The following EBF3 variants were observed in gnomAD, a reference collection of about 807,000 sequenced individuals.
EBF3 encodes EBF transcription factor 3.
In EBF3, 18 loss-of-function variants were observed where a neutral mutation model predicts 77.1. The observed-to-expected ratio is 0.23, with a 90% CI of 0.16 to 0.35. EBF3 has a LOEUF of 0.35. Ranked by LOEUF, EBF3 falls within the 10% of genes least tolerant of loss-of-function variation. EBF3 has a pLI of 1.00. For synonymous variants in EBF3, 350 were observed against 343.5 expected (o/e 1.02, Z -0.21); for missense variants, 558 against 860.0 (o/e 0.65, Z 4.39).
chr10:129,870,285 A>C lies in EBF3; in HGVS notation c.782-2373T>G, dbSNP rs1236716496. 6.6e-6 allele frequency among the ~76,000 whole-genome samples: 1 copy of C among 152,086 alleles called. No homozygotes were observed. Among genetic ancestry groups the C allele is most frequent in the Non-Finnish European group, 1.5e-5 (1 of 68,014 alleles). On this transcript the variant is annotated intron_variant, in intron 8 of 16. Transcript: ENST00000440978. This position sits in a 1 kb window ranked among gnomAD's most constrained non-coding sequence, Gnocchi z 4.4. ...CCATAGCAAAATGAATTACACAGAC[A>C]GCGTTAGAGATCTAATGATATACGC...
At chr10:129,923,443 T>C (rs1034714144) in intron 6 of EBF3, among the ~76,000 whole-genome samples, 1 of 152,152 alleles carries the variant, frequency 6.6e-6, no homozygotes, top group African/African-American at 2.4e-5. Flanking sequence ...AAGACAGACA[T>C]ACAGACCAAT....
chr10:129,838,056 A>C (rs1849728058), intron 16 of EBF3, 96 bp from the exon 17 acceptor site: 6 of 1,449,048 alleles, frequency 4.1e-6, no homozygotes, highest in Non-Finnish European at 5.8e-6. Flanking sequence ...CCCCTATTCA[A>C]CTGGGAGGCT....
intron 6 of EBF3, among the ~76,000 whole-genome samples, chr10:129,891,527 G>A (rs747630099): frequency 6.6e-5 from 10 of 152,170 alleles, no homozygotes; most frequent in Non-Finnish European, 1.5e-4. Context: ...TCCTAAGGCC[G>A]TTCTTCACGA....
chr10:129,909,948 A>G (rs1855405541), intron 6 of EBF3, among the ~76,000 whole-genome samples: 1 of 152,244 alleles, frequency 6.6e-6, no homozygotes, highest in Non-Finnish European at 1.5e-5. Context: ...TGGGGGATTC[A>G]GGCAGGGAGC....
Position 129,837,507 on chromosome 10 carries a change from CTAAGTA to C in EBF3, c.*430_*435del, listed in dbSNP as rs1035416236. 15 of 174,618 alleles carry C rather than the reference CTAAGTA, an allele frequency of 8.6e-5. No homozygotes were observed. The highest frequency in any genetic ancestry group is 9.7e-5 in the Non-Finnish European group (8 of 82,128). The allele number at this position is 174,618 out of a possible 1,614,324, so 10.8% of individuals were successfully genotyped here. A position where few individuals can be genotyped will look rare whatever the true frequency, so the allele number is the denominator to read the frequency against. On this transcript the variant is annotated 3_prime_UTR_variant, in exon 17 of 17. Coordinates refer to ENST00000440978, the MANE Select transcript of EBF3 (RefSeq NM_001375380.1). Reference sequence around the variant, plus strand: ...ATAGAGATACACAACCATTGTGAATCTAAGTATGAGTACAGAAAAATGTTTGGAGGC... The same window carrying C: ...ATAGAGATACACAACCATTGTGAATCTGAGTACAGAAAAATGTTTGGAGGC...
In EBF3 at chr10:129,943,645, T is replaced by C. The variant is rs1311839525; in HGVS notation, c.554+13613A>G. ...CGTGCACATCCAAAGTTTGAGTGTG[T>C]GAGACTTTTCCTCATTTATTTTCCT... On this transcript the variant is annotated intron_variant, in intron 6 of 16. Transcript: ENST00000440978. The surrounding 1 kb of genome is among the most constrained non-coding windows in gnomAD (Gnocchi z 8.8). 1.3e-5 allele frequency among the ~76,000 whole-genome samples: 2 copies of C among 152,172 alleles called. No individual in the cohort carries two copies. The highest frequency in any genetic ancestry group is 2.9e-5 in the Non-Finnish European group (2 of 68,036).
intron 6 of EBF3, among the ~76,000 whole-genome samples, chr10:129,915,224 A>G (rs1436543275): frequency 2.6e-5 from 4 of 152,030 alleles, no homozygotes; most frequent in Non-Finnish European, 5.9e-5. Context: ...AACTCAGCAA[A>G]AGGCTCTGTG....
chr10:129,848,416 C>T lies in EBF3; in HGVS notation c.1104G>A (p.Pro368=). The T allele has an allele frequency of 4.3e-6, 7 of 1,614,146 alleles. No homozygotes were observed. Among genetic ancestry groups the T allele is most frequent in the Non-Finnish European group, 5.1e-6 (6 of 1,180,028 alleles). ...CCTTGGGTAACCTTTCGGGATCACCCGGATGTCTTGGGATCACTTTCTGCA... is the reference window on the plus strand; with the variant it reads ...CCTTGGGTAACCTTTCGGGATCACCTGGATGTCTTGGGATCACTTTCTGCA... ...QRLQKVIPRH[P]GDPERLPKEV... Residue 368 remains proline, a synonymous_variant, in exon 11 of 17, where the codon CCG becomes CCA. Transcript: ENST00000440978. This position sits in a 1 kb window ranked among gnomAD's most constrained non-coding sequence, Gnocchi z 4.4.
intron 16 of EBF3, among the ~76,000 whole-genome samples, chr10:129,838,881 AC>A (rs1849802322): frequency 6.6e-6 from 1 of 152,188 alleles, no homozygotes; most frequent in Non-Finnish European, 1.5e-5. Context: ...GTGCGTACAC[AC>A]CGCGTAGGAG....
At position 129,842,219 on chromosome 10, in the gene EBF3, G is replaced by A. The variant is rs754603357; in HGVS notation, c.1269C>T (p.Pro423=). The A allele has an allele frequency of 6.2e-7, 1 of 1,614,204 alleles. No homozygotes were observed. Among genetic ancestry groups the A allele is most frequent in the South Asian group, 1.1e-5 (1 of 91,084 alleles). Residue 423 remains proline (P), a synonymous_variant, in exon 13 of 17, where the codon CCC becomes CCT. Coordinates refer to ENST00000440978, the MANE Select transcript of EBF3 (RefSeq NM_001375380.1). This position sits in a 1 kb window ranked among gnomAD's most constrained non-coding sequence, Gnocchi z 4.4. ...TGTGTGCAGGGTTGTTGCCCAGGGT[G>A]GGGATCTGGTTGTGATTGCGGGGAA... ...YSVPRNHNQI[P]TLGNNPAHTG...
intron 16 of EBF3, among the ~76,000 whole-genome samples, chr10:129,838,307 G>A (rs770980135): frequency 3.3e-4 from 51 of 152,342 alleles, no homozygotes; most frequent in Admixed American, 1.2e-3. Flanking sequence ...CAAAGCCAAC[G>A]GAGGCCCGGA....
rs184526843 is a variant in EBF3, at chr10:129,874,877, G to A, written c.637-1281C>T. On this transcript the variant is annotated intron_variant, in intron 7 of 16. Transcript: ENST00000440978. ...ATCGCGACACATCAGTGTTGGGTCC[G>A]CACATGTAAGGAATCCCCTGCACCA... Among the ~76,000 whole-genome samples the A allele has an allele frequency of 5.9e-5, 9 of 152,262 alleles. No homozygotes were observed. In the East Asian group the frequency reaches 7.7e-4, roughly 13 times the overall value.
intron 6 of EBF3, among the ~76,000 whole-genome samples, chr10:129,953,199 G>A (rs1406762782): frequency 6.6e-6 from 1 of 150,690 alleles, no homozygotes; most frequent in Admixed American, 6.6e-5. Context: ...GGGGCGCAGA[G>A]CTGAAATGGG....
chr10:129,902,214 C>A (rs1854836405), intron 6 of EBF3, among the ~76,000 whole-genome samples: 1 of 148,700 alleles, frequency 6.7e-6, no homozygotes, highest in East Asian at 2.0e-4. Flanking sequence ...TGGGGAAACA[C>A]AAGGAACTTC....
Position 129,944,103 on chromosome 10 carries a change from T to A in EBF3, c.554+13155A>T, listed in dbSNP as rs1858000987. On this transcript the variant is annotated intron_variant, in intron 6 of 16. Coordinates refer to ENST00000440978, the MANE Select transcript of EBF3 (RefSeq NM_001375380.1). This position sits in a 1 kb window ranked among gnomAD's most constrained non-coding sequence, Gnocchi z 5.1. The stretch of plus-strand genomic sequence containing the variant: ...AAGAAAAATATCACCGTTCTAGTAA[T>A]CAAGTTATTCCTGTAAAATCCTAAA... Among the ~76,000 whole-genome samples, 4 of 152,228 alleles carry A rather than the reference T, an allele frequency of 2.6e-5. No individual in the cohort carries two copies. Among genetic ancestry groups the A allele is most frequent in the African/African-American group, 7.2e-5 (3 of 41,462 alleles).
At chr10:129,942,763 A>G (rs1857864422) in intron 6 of EBF3, among the ~76,000 whole-genome samples, 1 of 152,196 alleles carries the variant, frequency 6.6e-6, no homozygotes, top group South Asian at 2.1e-4. Context: ...CTTACTTTTA[A>G]ATGAAATCAA....
intron 10 of EBF3, among the ~76,000 whole-genome samples, chr10:129,856,487 T>C (rs946431033): frequency 2.6e-5 from 4 of 152,270 alleles, no homozygotes; most frequent in African/African-American, 9.6e-5. Flanking sequence ...AAGAACTATA[T>C]ATAATGTGTG....
chr10:129,914,449 T>C (rs1855735082), intron 6 of EBF3, among the ~76,000 whole-genome samples: 1 of 152,108 alleles, frequency 6.6e-6, no homozygotes, highest in Non-Finnish European at 1.5e-5. Flanking sequence ...GAAAATACCG[T>C]TGGCCACTCG....
intron 10 of EBF3, among the ~76,000 whole-genome samples, chr10:129,858,681 C>T: frequency 6.6e-6 from 1 of 152,146 alleles, no homozygotes. Flanking sequence ...AGAAAAACCT[C>T]GCAGAATCCA....
Sources: allele counts gnomAD v4.1 joint callset (sites outside exome capture counted in the v4.1 genomes callset), GRCh38; gene constraint gnomAD v4.1.1; non-coding constraint Gnocchi (gnomAD v3.1); transcripts MANE v1.5; gene names NCBI Gene and HGNC (gene_info 2026-07-23, HGNC 2026-07-21).